The following TENM3 variants were observed in gnomAD, a reference collection of about 807,000 sequenced individuals.
TENM3 encodes teneurin transmembrane protein 3, also known as teneurin-3.
A neutral mutation model predicts 255.1 loss-of-function variants in TENM3; 63 were observed. That is an observed-to-expected ratio of 0.25 (90% CI 0.20 to 0.30). The LOEUF (loss-of-function observed/expected upper bound fraction) is 0.30. Ranked by LOEUF, TENM3 falls within the 10% of genes least tolerant of loss-of-function variation. The probability of loss-of-function intolerance (pLI) is 1.00; values close to 1 mark genes in which losing one functional copy is unlikely to be tolerated. For missense variants in TENM3, 2,929 were observed against 3,461.1 expected (o/e 0.85, Z 3.86); for synonymous variants, 1,306 against 1,322.3 (o/e 0.99, Z 0.27).
chr4:182,088,788 C>T, the TENM3 span, among the ~76,000 whole-genome samples: 4 of 150,030 alleles, frequency 2.7e-5, no homozygotes, highest in Admixed American at 6.7e-5. Flanking sequence ...GAGCTGAGGT[C>T]GGGCCACTGC....
chr4:182,600,914 T>TC lies in TENM3; in HGVS notation c.512-10_512-9insC, dbSNP rs757026208. 3 of 1,363,002 alleles carry TC rather than the reference T, an allele frequency of 2.2e-6. No individual in the cohort carries two copies. The African/African-American group carries it at 4.5e-5, about 20-fold the overall frequency. The allele number at this position is 1,363,002 out of a possible 1,614,324, so 84.4% of individuals were successfully genotyped here. ...TTCTCTTTCTTTTTTTTTTTTTTTTTTTTTTTCAGAGCAACCTGCAAGCAA... is the reference window on the plus strand; with the variant it reads ...TTCTCTTTCTTTTTTTTTTTTTTTTTCTTTTTTCAGAGCAACCTGCAAGCAA... On this transcript the variant is annotated splice_polypyrimidine_tract_variant and intron_variant, in intron 3 of 27. Transcript: ENST00000511685.
At chr4:182,405,039 G>A (rs928932626) in intron 3 of TENM3, among the ~76,000 whole-genome samples, 2 of 152,158 alleles carry the variant, frequency 1.3e-5, no homozygotes, top group African/African-American at 2.4e-5. Flanking sequence ...GGGACTCCTT[G>A]CACTAGCTTC....
chr4:182,485,796 C>T (rs1734640576), intron 3 of TENM3, among the ~76,000 whole-genome samples: 1 of 152,154 alleles, frequency 6.6e-6, no homozygotes, highest in African/African-American at 2.4e-5. Context: ...GACAGCATCC[C>T]TGTTCTCAAG....
chr4:182,596,105 C>A (rs768638347), intron 3 of TENM3, among the ~76,000 whole-genome samples: 3 of 152,052 alleles, frequency 2.0e-5, no homozygotes, highest in Admixed American at 1.3e-4. Context: ...CCTTGAAGTA[C>A]GTGCTTAGTG....
At chr4:182,191,471 G>T (rs1014475265) in intron 1 of TENM3, among the ~76,000 whole-genome samples, 1 of 152,150 alleles carries the variant, frequency 6.6e-6, no homozygotes, top group Non-Finnish European at 1.5e-5. Flanking sequence ...GTGTCAGGCA[G>T]ATCATCCGTC....
chr4:181,946,565 T>A, the TENM3 span, among the ~76,000 whole-genome samples: 1 of 152,182 alleles, frequency 6.6e-6, no homozygotes. Flanking sequence ...ATCATTAGTG[T>A]GTATTCTAAC....
chr4:181,515,374 A>T, the TENM3 span, among the ~76,000 whole-genome samples: 4 of 152,082 alleles, frequency 2.6e-5, no homozygotes, highest in Non-Finnish European at 1.5e-5. Flanking sequence ...CTTTGCGCAT[A>T]CTTGAAGCAA....
chr4:181,854,741 T>C, the TENM3 span, among the ~76,000 whole-genome samples: 1 of 152,228 alleles, frequency 6.6e-6, no homozygotes, highest in Admixed American at 6.5e-5. Context: ...GGTATTCTTA[T>C]GTAATATTTT....
At chr4:182,281,041 C>T (rs948118993) in intron 1 of TENM3, among the ~76,000 whole-genome samples, 1 of 152,160 alleles carries the variant, frequency 6.6e-6, no homozygotes, top group South Asian at 2.1e-4. Context: ...GTAATTTCTC[C>T]TACAAACTCC....
intron 11 of TENM3, among the ~76,000 whole-genome samples, chr4:182,686,653 A>G (rs1357506359): frequency 2.0e-5 from 3 of 152,142 alleles, no homozygotes. Flanking sequence ...TCTATCTTCA[A>G]CAGCAGTTTG....
chr4:182,615,279 A>G (rs1749394144), intron 4 of TENM3, among the ~76,000 whole-genome samples: 1 of 146,700 alleles, frequency 6.8e-6, no homozygotes, highest in South Asian at 2.2e-4. Context: ...CAAGGCTTTT[A>G]GAGGAAAAAA....
At chr4:182,081,215 T>G in the TENM3 span, among the ~76,000 whole-genome samples, 3 of 152,154 alleles carry the variant, frequency 2.0e-5, no homozygotes, top group Admixed American at 6.5e-5. Context: ...GTAATACTCT[T>G]CTTGAATAGG....
chr4:181,942,303 T>G, the TENM3 span, among the ~76,000 whole-genome samples: 3 of 150,430 alleles, frequency 2.0e-5, no homozygotes, highest in Non-Finnish European at 4.4e-5. Flanking sequence ...TTTCATTACC[T>G]TTTATCCAAA....
At chr4:181,599,632 C>T in the TENM3 span, among the ~76,000 whole-genome samples, 3 of 152,090 alleles carry the variant, frequency 2.0e-5, no homozygotes, top group African/African-American at 7.2e-5. Flanking sequence ...ATTTTTTTTA[C>T]CTCTGTGCTT....
intron 4 of TENM3, among the ~76,000 whole-genome samples, chr4:182,614,375 A>G (rs1306533339): frequency 1.3e-5 from 2 of 152,182 alleles, no homozygotes; most frequent in African/African-American, 4.8e-5. Context: ...ATTCACATAC[A>G]TAGACATTTA....
chr4:182,509,966 A>C (rs1444918126), intron 3 of TENM3, among the ~76,000 whole-genome samples: 5 of 149,352 alleles, frequency 3.3e-5, no homozygotes, highest in Admixed American at 6.7e-5. Context: ...AAATGTAGGG[A>C]GATACAGGTA....
At chr4:182,287,373 C>T (rs60903040) in intron 1 of TENM3, among the ~76,000 whole-genome samples, 3,459 of 152,278 alleles carry the variant, frequency 0.023, 53 homozygotes, top group Non-Finnish European at 0.029. Context: ...TGTAATACAC[C>T]GAGCTTTTGC....
intron 3 of TENM3, among the ~76,000 whole-genome samples, chr4:182,525,814 A>T (rs548788011): frequency 4.6e-5 from 7 of 152,370 alleles, no homozygotes; most frequent in Non-Finnish European, 8.8e-5. Context: ...AGATTTCCAA[A>T]TAAAGGAAAG....
chr4:181,935,150 A>G, the TENM3 span, among the ~76,000 whole-genome samples: 2 of 152,250 alleles, frequency 1.3e-5, no homozygotes, highest in African/African-American at 2.4e-5. Flanking sequence ...AAAATGAAGT[A>G]TAATTCAAAA....
Sources: gnomAD v4.1 joint callset for allele counts (sites outside exome capture counted in the v4.1 genomes callset) on GRCh38, gnomAD v4.1.1 for gene constraint, MANE v1.5 for transcripts, NCBI Gene and HGNC (gene_info 2026-07-23, HGNC 2026-07-21) for gene names.